Variants in UBQLN1 observed in about 807,000 individuals in gnomAD.
UBQLN1 encodes ubiquilin 1.
A neutral mutation model predicts 65.4 loss-of-function variants in UBQLN1; 13 were observed. The ratio of observed to expected loss-of-function variants is 0.20; its 90% CI spans 0.13 to 0.32. The LOEUF is 0.32. UBQLN1 is among the 10% of genes least tolerant of loss of function. The pLI is 1.00. For synonymous variants in UBQLN1, 267 were observed against 247.8 expected (o/e 1.08, Z -0.73); for missense variants, 561 against 724.0 (o/e 0.77, Z 2.58).
chr9:83,679,494 A>C (rs575705197), intron 4 of UBQLN1, among the ~76,000 whole-genome samples: 3 of 152,322 alleles, frequency 2.0e-5, no homozygotes, highest in Admixed American at 6.5e-5. Context: ...AAATAACATA[A>C]AGAAGGAAGC....
chr9:83,691,920 T>G (rs145826278), intron 1 of UBQLN1, among the ~76,000 whole-genome samples: 82 of 152,370 alleles, frequency 5.4e-4, no homozygotes, highest in African/African-American at 1.9e-3. Context: ...CAACTGCATA[T>G]GACTACCATT....
At chr9:83,663,441 G>A (rs572592519) in intron 10 of UBQLN1, among the ~76,000 whole-genome samples, 44 of 152,278 alleles carry the variant, frequency 2.9e-4, no homozygotes, top group African/African-American at 9.6e-4. Flanking sequence ...GTGGTGTCAT[G>A]GGTGGAGTTA....
intron 6 of UBQLN1, among the ~76,000 whole-genome samples, chr9:83,671,426 T>A (rs368472277): frequency 3.3e-5 from 5 of 152,338 alleles, no homozygotes; most frequent in South Asian, 4.1e-4. Flanking sequence ...ATAAGACTTG[T>A]AAGTTGAAAG....
At chr9:83,671,056 C>A (rs142449377) in intron 6 of UBQLN1, among the ~76,000 whole-genome samples, 20 of 152,252 alleles carry the variant, frequency 1.3e-4, no homozygotes, top group African/African-American at 4.1e-4. Flanking sequence ...GCCTGCAATT[C>A]CTAGGCTCAA....
At chr9:83,664,584 T>C (rs1011439555) in intron 9 of UBQLN1, among the ~76,000 whole-genome samples, 1 of 151,822 alleles carries the variant, frequency 6.6e-6, no homozygotes, top group Non-Finnish European at 1.5e-5. Context: ...AAAACCGATC[T>C]CTTAATAAAT....
In UBQLN1 at chr9:83,685,162, T is replaced by C. The variant is rs563322258; in HGVS notation, c.332+842A>G. On this transcript the variant is annotated intron_variant, in intron 2 of 10. Coordinates refer to ENST00000376395, the MANE Select transcript of UBQLN1 (RefSeq NM_013438.5). ...ATAGCACCAAAATAGAAGGAATATG[T>C]TGAATGAGTAAAGCAAGTATTTGCT... 2.5e-4 allele frequency among the ~76,000 whole-genome samples: 38 copies of C among 152,246 alleles called. No individual in the cohort carries two copies. The South Asian group carries it at 7.9e-3, about 32-fold the overall frequency.
At chr9:83,668,225 A>C (rs1363177758) in intron 7 of UBQLN1, 1 of 984,980 alleles carries the variant, frequency 1.0e-6, no homozygotes, top group Non-Finnish European at 1.2e-6. Context: ...TGGTGAGGGC[A>C]TAAGTTATTA....
chr9:83,688,566 T>C (rs1222219507), intron 1 of UBQLN1, among the ~76,000 whole-genome samples: 2 of 151,894 alleles, frequency 1.3e-5, no homozygotes, highest in Non-Finnish European at 2.9e-5. Context: ...AGATACTAGA[T>C]TAAACACATG....
intron 8 of UBQLN1, among the ~76,000 whole-genome samples, chr9:83,665,672 T>C (rs933122013): frequency 6.6e-6 from 1 of 152,168 alleles, no homozygotes; most frequent in Non-Finnish European, 1.5e-5. Context: ...TAGGCTTACA[T>C]CATTACAATA....
intron 1 of UBQLN1, 126 bp from the exon 2 acceptor site, chr9:83,686,281 T>G (rs751650183): frequency 1.3e-4 from 81 of 631,840 alleles, no homozygotes; most frequent in Non-Finnish European, 2.0e-4. Flanking sequence ...AATCCCAATG[T>G]TCCAGGAGGC....
At chr9:83,699,843 G>C (rs910211121) in intron 1 of UBQLN1, among the ~76,000 whole-genome samples, 7 of 152,142 alleles carry the variant, frequency 4.6e-5, no homozygotes, top group African/African-American at 1.4e-4. Flanking sequence ...TAAGCAAATG[G>C]GCACAATAGA....
chr9:83,666,505 T>C, intron 7 of UBQLN1, 72 bp from the exon 8 acceptor site: 1 of 1,490,252 alleles, frequency 6.7e-7, no homozygotes, highest in Non-Finnish European at 9.3e-7. Context: ...TTTTATTCTA[T>C]CTTCCCCCAA....
intron 6 of UBQLN1, among the ~76,000 whole-genome samples, chr9:83,676,594 C>T (rs1454874226): frequency 2.6e-5 from 4 of 152,224 alleles, no homozygotes; most frequent in African/African-American, 9.6e-5. Context: ...ATATTATAAA[C>T]ATAAATCTCA....
chr9:83,674,198 A>AT (rs1831788870), intron 6 of UBQLN1, among the ~76,000 whole-genome samples: 1 of 151,932 alleles, frequency 6.6e-6, no homozygotes, highest in East Asian at 1.9e-4. Flanking sequence ...AAAAAAAAAA[A>AT]TAACCAGTAT....
intron 1 of UBQLN1, among the ~76,000 whole-genome samples, chr9:83,706,531 G>A (rs1832409963): frequency 6.6e-6 from 1 of 152,130 alleles, no homozygotes. Context: ...AAACTGATAG[G>A]TACATTTCAG....
chr9:83,697,799 C>T (rs1186222867), intron 1 of UBQLN1, among the ~76,000 whole-genome samples: 1 of 144,322 alleles, frequency 6.9e-6, no homozygotes, highest in African/African-American at 2.6e-5. Flanking sequence ...TGCGATGGCA[C>T]GATTCAGCTC....
At chr9:83,685,784 A>G (rs563543197) in intron 2 of UBQLN1, among the ~76,000 whole-genome samples, 1 of 152,374 alleles carries the variant, frequency 6.6e-6, no homozygotes, top group South Asian at 2.1e-4. Flanking sequence ...ATAACTAAAT[A>G]CCAATGAACC....
intron 7 of UBQLN1, 171 bp from the exon 8 acceptor site, chr9:83,666,604 G>T: frequency 1.9e-6 from 1 of 539,078 alleles, no homozygotes; most frequent in Non-Finnish European, 3.2e-6. Context: ...GGGATCTCCA[G>T]AAGAACAAAA....
chr9:83,707,922 C>T lies in UBQLN1; in HGVS notation c.-243G>A. On this transcript the variant is annotated 5_prime_UTR_variant, in exon 1 of 11. It adds an upstream start codon to the 5' untranslated region. Coordinates refer to ENST00000376395, the MANE Select transcript of UBQLN1 (RefSeq NM_013438.5). ...CGTGTGTTCAGGCGCCGCTCGCTCA[C>T]ACCGACATCCGCAGCAGCCACCGCT... is the stretch of plus-strand genomic sequence containing the variant. 1.9e-6 allele frequency: 1 copy of T among 522,752 alleles called. No homozygotes were observed. The highest frequency in any genetic ancestry group is 3.1e-5 in the South Asian group (1 of 32,676). The allele number at this position is 522,752 out of a possible 1,614,324, so 32.4% of individuals were successfully genotyped here.
Sources: allele counts gnomAD v4.1 joint callset (sites outside exome capture counted in the v4.1 genomes callset), GRCh38; gene constraint gnomAD v4.1.1; transcripts MANE v1.5; gene names NCBI Gene and HGNC (gene_info 2026-07-23, HGNC 2026-07-21).